Variants in TACO1 observed in about 807,000 individuals in gnomAD.
TACO1 encodes translational activator of cytochrome c oxidase I, also known as translational activator of cytochrome c oxidase 1.
Under a neutral mutation model 24.0 loss-of-function variants are expected in TACO1, and 13 were observed. That is an observed-to-expected ratio of 0.54 (90% CI 0.35 to 0.86). The LOEUF (loss-of-function observed/expected upper bound fraction) is 0.86. Ranked by LOEUF, TACO1 falls within the 40% of genes least tolerant of loss-of-function variation. The probability of loss-of-function intolerance (pLI) is 0.01; values close to 1 mark genes in which losing one functional copy is unlikely to be tolerated. For synonymous variants in TACO1, 149 were observed against 153.5 expected (o/e 0.97, Z 0.22); for missense variants, 352 against 380.1 (o/e 0.93, Z 0.61).
rs752592967 is a variant in TACO1 at position 63,600,921 on chromosome 17, A to G, written c.-163A>G. The G allele has an allele frequency of 3.1e-4, 226 of 722,882 alleles. 3 individuals carry two copies. The highest frequency in any genetic ancestry group is 5.7e-5 in the Non-Finnish European group (25 of 436,634). The allele number at this position is 722,882 out of a possible 1,614,324, so 44.8% of individuals were successfully genotyped here. ...GTCCCGGGTGCCGCGGGGACAGTGT[A>G]GGGTCATTAGCTGTTGAGCCGCCCC... is the stretch of plus-strand genomic sequence containing the variant. On this transcript the variant is annotated 5_prime_UTR_variant, in exon 1 of 5. Coordinates refer to ENST00000258975, the MANE Select transcript of TACO1 (RefSeq NM_016360.4).
chr17:63,602,105 A>C (rs923556688), intron 1 of TACO1, among the ~76,000 whole-genome samples: 1 of 150,696 alleles, frequency 6.6e-6, no homozygotes, highest in African/African-American at 2.4e-5. Context: ...AAAAAAAAAA[A>C]AAAAAACAGC....
intron 3 of TACO1, chr17:63,606,712 A>G (rs1444843162): frequency 2.2e-6 from 1 of 446,012 alleles, no homozygotes; most frequent in Non-Finnish European, 4.1e-6. Context: ...TGCCCAGCTA[A>G]TTTTTGTATT....
chr17:63,607,128 A>G, intron 3 of TACO1, 159 bp from the exon 4 acceptor site: 1 of 737,140 alleles, frequency 1.4e-6, no homozygotes, highest in Non-Finnish European at 2.4e-6. Flanking sequence ...TCCCTTACCC[A>G]GCAGCAGCTG....
Position 63,601,296 on chromosome 17 carries a change from T to C in TACO1, c.213T>C (p.Gly71=). Residue 71 remains glycine (G), a synonymous_variant, in exon 1 of 5, where the codon GGT becomes GGC. Transcript: ENST00000258975. ...GGTCCAAAGTCAGGCACATCAAGGG[T>C]CCGAAGGACGTCGAAAGGAGTCGCA... ...NKWSKVRHIK[G]PKDVERSRIF... is the part of the protein sequence containing the mutation. 1 of 1,612,890 alleles carries C rather than the reference T, an allele frequency of 6.2e-7. No homozygotes were observed. The highest frequency in any genetic ancestry group is 8.5e-7 in the Non-Finnish European group (1 of 1,179,920).
intron 1 of TACO1, among the ~76,000 whole-genome samples, chr17:63,602,667 C>T (rs1359751489): frequency 1.3e-5 from 2 of 151,936 alleles, no homozygotes; most frequent in Non-Finnish European, 2.9e-5. Flanking sequence ...GCTGGGACTA[C>T]AAGTGTGCAC....
rs758188179 is a variant in TACO1, at chr17:63,607,790, C to T, written c.694-12C>T. The stretch of plus-strand genomic sequence containing the variant: ...CCTGGCTCCTCACCTCCTGACTTTC[C>T]TTTATCCCTAGTTTATTTGTGATGC... On this transcript the variant is annotated splice_polypyrimidine_tract_variant and intron_variant, in intron 4 of 4. Transcript: ENST00000258975. 6.2e-7 allele frequency: 1 copy of T among 1,613,460 alleles called. No individual in the cohort carries two copies. Among genetic ancestry groups the T allele is most frequent in the Non-Finnish European group, 8.5e-7 (1 of 1,179,898 alleles).
At chr17:63,602,337 C>A (rs2033828832) in intron 1 of TACO1, among the ~76,000 whole-genome samples, 1 of 150,946 alleles carries the variant, frequency 6.6e-6, no homozygotes, top group Non-Finnish European at 1.5e-5. Context: ...CACTGACTAA[C>A]CTTGAACAAG....
At chr17:63,607,706 C>A in intron 4 of TACO1, 96 bp from the exon 5 acceptor site, 1 of 1,203,162 alleles carries the variant, frequency 8.3e-7, no homozygotes, top group Non-Finnish European at 1.2e-6. Context: ...CCCAGTGATC[C>A]ATTCCAGTAC....
Position 63,608,103 on chromosome 17 carries a change from C to G in TACO1, c.*101C>G. ...CTCTGAGGGTAAAGCCGGTGGGAGGCTCAGCAGGCCAGGAGGCCCAAGGAC... is the reference window on the plus strand; with the variant it reads ...CTCTGAGGGTAAAGCCGGTGGGAGGGTCAGCAGGCCAGGAGGCCCAAGGAC... On this transcript the variant is annotated 3_prime_UTR_variant, in exon 5 of 5. Coordinates refer to ENST00000258975, the MANE Select transcript of TACO1 (RefSeq NM_016360.4). 7.4e-7 allele frequency: 1 copy of G among 1,359,044 alleles called. No individual in the cohort carries two copies. The highest frequency in any genetic ancestry group is 1.0e-6 in the Non-Finnish European group (1 of 973,156). 84.2% of individuals were successfully genotyped at this position (1,359,044 alleles called of 1,614,324 possible). A position where few individuals can be genotyped will look rare whatever the true frequency, so the allele number is the denominator to read the frequency against.
In TACO1 at chr17:63,607,785, C is replaced by T; in HGVS notation, c.694-17C>T. 1 of 1,612,978 alleles carries T rather than the reference C, an allele frequency of 6.2e-7. No individual in the cohort carries two copies. The highest frequency in any genetic ancestry group is 8.5e-7 in the Non-Finnish European group (1 of 1,179,632). On this transcript the variant is annotated splice_polypyrimidine_tract_variant and intron_variant, in intron 4 of 4. Transcript: ENST00000258975. ...TACCTCCTGGCTCCTCACCTCCTGACTTTCCTTTATCCCTAGTTTATTTGT... is the reference window on the plus strand; with the variant it reads ...TACCTCCTGGCTCCTCACCTCCTGATTTTCCTTTATCCCTAGTTTATTTGT...
At chr17:63,601,478 C>A in intron 1 of TACO1, 115 bp downstream of exon 1, 1 of 1,183,206 alleles carries the variant, frequency 8.5e-7, no homozygotes, top group Non-Finnish European at 1.2e-6. Flanking sequence ...CTTTGTTTTC[C>A]TTCCCCAGTA....
At chr17:63,603,630 C>T (rs887483230) in intron 1 of TACO1, among the ~76,000 whole-genome samples, 2 of 151,890 alleles carry the variant, frequency 1.3e-5, no homozygotes, top group African/African-American at 4.8e-5. Context: ...CCCTTGAACC[C>T]GGGAGTGGGA....
In TACO1 at chr17:63,607,316, C is replaced by T. The variant is rs149211436; in HGVS notation, c.545C>T (p.Ser182Phe). ...GGVMAVGARH[S>F]FDKKGVIVVE... ...GTGATGGCTGTAGGAGCTCGTCACT[C>T]TTTTGACAAAAAGGGGGTGATTGTG... Residue 182 changes from serine (S) to phenylalanine (F), a missense_variant, in exon 4 of 5, where the codon TCT becomes TTT. Coordinates refer to ENST00000258975, the MANE Select transcript of TACO1 (RefSeq NM_016360.4). 6.2e-7 allele frequency: 1 copy of T among 1,614,054 alleles called. No homozygotes were observed. Among genetic ancestry groups the T allele is most frequent in the Non-Finnish European group, 8.5e-7 (1 of 1,180,034 alleles).
At chr17:63,604,702 G>T in intron 2 of TACO1, 62 bp downstream of exon 2, 1 of 1,428,114 alleles carries the variant, frequency 7.0e-7, no homozygotes, top group Admixed American at 1.7e-5. Flanking sequence ...TGTCTGGATG[G>T]CCAACAAACA....
At chr17:63,601,492 A>G (rs1279980851) in intron 1 of TACO1, 129 bp downstream of exon 1, 2 of 971,712 alleles carry the variant, frequency 2.1e-6, no homozygotes, top group Non-Finnish European at 3.1e-6. Flanking sequence ...CCCAGTACCC[A>G]CCATTGCCCA....
At position 63,608,181 on chromosome 17, in the gene TACO1, A is replaced by G. The variant is rs898090048; in HGVS notation, c.*179A>G. 77 of 701,202 alleles carry G rather than the reference A, an allele frequency of 1.1e-4. No homozygotes were observed. In the Admixed American group the frequency reaches 1.6e-3, roughly 14 times the overall value. 43.4% of individuals were successfully genotyped at this position (701,202 alleles called of 1,614,324 possible). A position where few individuals can be genotyped will look rare whatever the true frequency, so the allele number is the denominator to read the frequency against. On this transcript the variant is annotated 3_prime_UTR_variant, in exon 5 of 5. Coordinates refer to ENST00000258975, the MANE Select transcript of TACO1 (RefSeq NM_016360.4). The stretch of plus-strand genomic sequence containing the variant: ...ATCTCACTTGTGGGGCCTCCTTGTC[A>G]GCTCTGCTGCTGTCTCAGAGCCATC...
Position 63,603,023 on chromosome 17 carries a change from C to G in TACO1, c.281-1511C>G, listed in dbSNP as rs557427179. On this transcript the variant is annotated intron_variant, in intron 1 of 4. Coordinates refer to ENST00000258975, the MANE Select transcript of TACO1 (RefSeq NM_016360.4). Reference sequence around the variant, plus strand: ...GGCTGAGGCCGGCGGATCACGAGGTCAGATCGAGACCATCCTGGCTAACAC... The same window carrying G: ...GGCTGAGGCCGGCGGATCACGAGGTGAGATCGAGACCATCCTGGCTAACAC... Among the ~76,000 whole-genome samples the G allele has an allele frequency of 2.6e-5, 4 of 151,902 alleles. No homozygotes were observed. In the East Asian group the frequency reaches 5.9e-4, roughly 22 times the overall value.
intron 1 of TACO1, among the ~76,000 whole-genome samples, chr17:63,603,501 T>C (rs983991961): frequency 2.0e-5 from 3 of 151,960 alleles, no homozygotes; most frequent in African/African-American, 7.3e-5. Flanking sequence ...AGGTCAGGAG[T>C]TCGAGACCAA....
chr17:63,601,047 G>T lies in TACO1; in HGVS notation c.-37G>T. 6.5e-7 allele frequency: 1 copy of T among 1,535,926 alleles called. No homozygotes were observed. On this transcript the variant is annotated 5_prime_UTR_variant, in exon 1 of 5. Coordinates refer to ENST00000258975, the MANE Select transcript of TACO1 (RefSeq NM_016360.4). ...TGGAAGAGACGCGCCGGCGTTGGCC[G>T]CTGCTGCTAGCAGCTTGAACCCCAG...
Sources: allele counts gnomAD v4.1 joint callset (sites outside exome capture counted in the v4.1 genomes callset), GRCh38; gene constraint gnomAD v4.1.1; transcripts MANE v1.5; gene names NCBI Gene and HGNC (gene_info 2026-07-23, HGNC 2026-07-21).